MME: variants seen among roughly 807,000 people sequenced by gnomAD.
MME encodes the protein neprilysin.
Under a neutral mutation model 113.2 loss-of-function variants are expected in MME, and 98 were observed. That is an observed-to-expected ratio of 0.87 (90% CI 0.74 to 1.02). The LOEUF is 1.02. Among genes scored for constraint, MME ranks in the 50% least tolerant of loss-of-function variants. The pLI, the probability that MME is intolerant of heterozygous loss-of-function variation, is 0.00. For synonymous variants in MME, 292 were observed against 300.6 expected, an observed-to-expected ratio of 0.97 and a Z score of 0.30; for missense variants, 836 against 896.0, an observed-to-expected ratio of 0.93 and a Z score of 0.86.
At chr3:155,177,214 GA>G (rs1312794405) in intron 22 of MME, among the ~76,000 whole-genome samples, 1 of 152,066 alleles carries the variant, frequency 6.6e-6, no homozygotes, top group Non-Finnish European at 1.5e-5. Context: ...AAATCCTTTG[GA>G]AAAAATTAAT....
intron 3 of MME, among the ~76,000 whole-genome samples, chr3:155,105,851 A>G (rs1020774225): frequency 2.6e-5 from 4 of 152,160 alleles, no homozygotes; most frequent in Non-Finnish European, 5.9e-5. Flanking sequence ...TGTTATTATT[A>G]TTATTACATT....
intron 7 of MME, among the ~76,000 whole-genome samples, chr3:155,118,437 A>G (rs1457693994): frequency 1.3e-5 from 2 of 152,194 alleles, no homozygotes; most frequent in African/African-American, 4.8e-5. Flanking sequence ...AGAATCTAAC[A>G]TGTTTTTGTT....
chr3:155,025,096 G>T (rs956485905), intron 1 of MME, among the ~76,000 whole-genome samples: 1 of 152,166 alleles, frequency 6.6e-6, no homozygotes, highest in African/African-American at 2.4e-5. Context: ...AGATAATGAG[G>T]GATGCATCTT....
At chr3:155,075,069 TAAC>T (rs112501443), upstream of MME, among the ~76,000 whole-genome samples, 1,068 of 151,940 alleles carry the variant, frequency 7.0e-3, 11 homozygotes, top group African/African-American at 0.023. Context: ...AATCACCCAT[TAAC>T]ATGGGTGATT....
chr3:155,033,867 T>C (rs530582388), intron 1 of MME, among the ~76,000 whole-genome samples: 1 of 152,188 alleles, frequency 6.6e-6, no homozygotes, highest in South Asian at 2.1e-4. Context: ...TTGATAAAAA[T>C]CCCATATAAC....
intron 1 of MME, among the ~76,000 whole-genome samples, chr3:155,054,934 G>C (rs1713877309): frequency 1.3e-5 from 2 of 152,140 alleles, no homozygotes; most frequent in Non-Finnish European, 2.9e-5. Flanking sequence ...AGTTTCCAAG[G>C]ATCTAGAACA....
At chr3:155,093,052 T>TAA (rs10706860) in intron 3 of MME, among the ~76,000 whole-genome samples, 2 of 146,264 alleles carry the variant, frequency 1.4e-5, no homozygotes, top group African/African-American at 5.0e-5. Flanking sequence ...CCAAAGCCGT[T>TAA]AAAAAAAAAA....
intron 1 of MME, among the ~76,000 whole-genome samples, chr3:155,030,755 T>A (rs972258938): frequency 3.3e-5 from 5 of 152,240 alleles, no homozygotes; most frequent in African/African-American, 1.2e-4. Flanking sequence ...GCAAATGGAA[T>A]ACATGTCACA....
In MME at chr3:155,088,237, T is replaced by A. The variant is rs927188348; in HGVS notation, c.196+3143T>A. Among the ~76,000 whole-genome samples, 7 of 151,790 alleles carry A rather than the reference T, an allele frequency of 4.6e-5. No homozygotes were observed. In the South Asian group the frequency reaches 1.5e-3, roughly 32 times the overall value. On this transcript the variant is annotated intron_variant, in intron 3 of 22. Transcript: ENST00000360490. ...GCACACACACACACACACACAGTCT[T>A]CTGCTGGTTAGGAAATCTTTTCTGC...
At chr3:155,162,411 G>A (rs1722784865) in intron 17 of MME, among the ~76,000 whole-genome samples, 1 of 152,060 alleles carries the variant, frequency 6.6e-6, no homozygotes, top group South Asian at 2.1e-4. Flanking sequence ...GGTAAAAGTG[G>A]CCCAATAGTG....
intron 8 of MME, among the ~76,000 whole-genome samples, chr3:155,124,466 C>CTGCG (rs1559933702): frequency 6.6e-6 from 1 of 152,136 alleles, no homozygotes; most frequent in African/African-American, 2.4e-5. Flanking sequence ...TGGTGAGGAA[C>CTGCG]TGCGTTCCTT....
upstream of MME, among the ~76,000 whole-genome samples, chr3:155,078,994 T>C (rs568927838): frequency 6.6e-6 from 1 of 152,188 alleles, no homozygotes; most frequent in East Asian, 1.9e-4. Context: ...CTTTAGTTTA[T>C]TTTTCTCTTT....
intron 16 of MME, among the ~76,000 whole-genome samples, chr3:155,155,802 G>A (rs557141057): frequency 6.6e-6 from 1 of 152,242 alleles, no homozygotes; most frequent in South Asian, 2.1e-4. Context: ...TCCAAAATTA[G>A]GAATCTCTCC....
intron 1 of MME, among the ~76,000 whole-genome samples, chr3:155,034,625 A>G (rs1188334281): frequency 6.6e-6 from 1 of 152,174 alleles, no homozygotes; most frequent in Non-Finnish European, 1.5e-5. Flanking sequence ...AGATTTTTAT[A>G]AAGCACAAAT....
intron 1 of MME, among the ~76,000 whole-genome samples, chr3:155,043,230 A>T (rs756474620): frequency 7.9e-5 from 12 of 151,424 alleles, no homozygotes; most frequent in Non-Finnish European, 1.5e-4. Flanking sequence ...TTTTTGATAT[A>T]GCCAGATATT....
chr3:155,077,858 AT>A (rs113892746), upstream of MME, among the ~76,000 whole-genome samples: 117 of 149,834 alleles, frequency 7.8e-4, no homozygotes, highest in African/African-American at 1.7e-3. Context: ...CTAAGTAGGC[AT>A]TTTTTTTTTC....
In MME at chr3:155,143,441, A is replaced by G. The variant is rs1328070238; in HGVS notation, c.1189-2A>G. On this transcript the variant is annotated splice_acceptor_variant, in intron 12 of 22. Coordinates refer to ENST00000360490, the MANE Select transcript of MME (RefSeq NM_007289.4). LOFTEE classifies it high-confidence loss of function. ...ATGCCATTTCCTTTTTCTTTTCCGT[A>G]GGCCCTTTATGGTACAACCTCAGAA... 15 of 1,611,360 alleles carry G rather than the reference A, an allele frequency of 9.3e-6. No individual in the cohort carries two copies. The highest frequency in any genetic ancestry group is 1.3e-5 in the Non-Finnish European group (15 of 1,178,020).
At chr3:155,178,735 T>C (rs528251396) in intron 22 of MME, among the ~76,000 whole-genome samples, 3 of 152,314 alleles carry the variant, frequency 2.0e-5, no homozygotes, top group Admixed American at 2.0e-4. Flanking sequence ...ACCTTCTCCC[T>C]CCTATACTTT....
rs2108122332 is a variant in MME at position 155,043,217 on chromosome 3, A to G, written c.-11+18893A>G. ...ACAGTAATTTTATAATGCTATTTTAAAATTTTTGATATAGCCAGATATTAT... is the reference window on the plus strand; with the variant it reads ...ACAGTAATTTTATAATGCTATTTTAGAATTTTTGATATAGCCAGATATTAT... On this transcript the variant is annotated intron_variant, in intron 1 of 22. Transcript: ENST00000492661. 1.3e-5 allele frequency among the ~76,000 whole-genome samples: 2 copies of G among 151,358 alleles called. 1 individual carries two copies. The highest frequency in any genetic ancestry group is 4.2e-4 in the South Asian group (2 of 4,808).
Sources: gnomAD v4.1 joint callset for allele counts (sites outside exome capture counted in the v4.1 genomes callset) on GRCh38, gnomAD v4.1.1 for gene constraint, MANE v1.5 for transcripts, NCBI Gene and HGNC (gene_info 2026-07-23, HGNC 2026-07-21) for gene names.